The following KDM5B variants were observed in gnomAD, a reference collection of about 807,000 sequenced individuals.
KDM5B encodes lysine demethylase 5B.
In KDM5B, 144 loss-of-function variants were observed where a neutral mutation model predicts 193.4. The ratio of observed to expected loss-of-function variants is 0.74; its 90% CI spans 0.65 to 0.86. KDM5B has a LOEUF of 0.86. Ranked by LOEUF, KDM5B falls within the 40% of genes least tolerant of loss-of-function variation. The pLI, the probability that KDM5B is intolerant of heterozygous loss-of-function variation, is 0.00. For missense variants in KDM5B, 1,833 were observed against 1,886.9 expected (o/e 0.97, Z 0.53); for synonymous variants, 668 against 682.6 (o/e 0.98, Z 0.33).
At chr1:202,804,828 C>A (rs1334915943) in intron 1 of KDM5B, among the ~76,000 whole-genome samples, 2 of 145,758 alleles carry the variant, frequency 1.4e-5, no homozygotes, top group East Asian at 4.0e-4. Context: ...TGAGCCACTG[C>A]ACTCCAGGCC....
intron 16 of KDM5B, 152 bp downstream of exon 16, chr1:202,745,706 T>C: frequency 1.2e-6 from 1 of 803,878 alleles, no homozygotes; most frequent in Non-Finnish European, 2.0e-6. Flanking sequence ...TTTAAAACCT[T>C]CTCTGCCGGT....
intron 1 of KDM5B, among the ~76,000 whole-genome samples, chr1:202,778,763 C>G (rs1226535032): frequency 6.6e-6 from 1 of 152,128 alleles, no homozygotes; most frequent in Non-Finnish European, 1.5e-5. Context: ...GCTGGGATTA[C>G]AGGCATGTGC....
intron 22 of KDM5B, among the ~76,000 whole-genome samples, chr1:202,735,150 T>C (rs1655045562): frequency 6.6e-6 from 1 of 152,172 alleles, no homozygotes; most frequent in Non-Finnish European, 1.5e-5. Flanking sequence ...TCTCAATATC[T>C]TTAGTTAGCA....
At chr1:202,763,878 T>G (rs1319443048) in intron 6 of KDM5B, among the ~76,000 whole-genome samples, 171 bp downstream of exon 6, 1 of 152,232 alleles carries the variant, frequency 6.6e-6, no homozygotes, top group Non-Finnish European at 1.5e-5. Flanking sequence ...AAGGACACTG[T>G]TGATATATTA....
At chr1:202,802,791 C>T (rs916041025) in intron 1 of KDM5B, among the ~76,000 whole-genome samples, 10 of 152,264 alleles carry the variant, frequency 6.6e-5, no homozygotes, top group Admixed American at 2.6e-4. Context: ...ATCTATCAAC[C>T]TGAAATACTC....
intron 1 of KDM5B, among the ~76,000 whole-genome samples, chr1:202,786,313 C>A (rs1657411420): frequency 6.6e-6 from 1 of 151,948 alleles, no homozygotes; most frequent in Non-Finnish European, 1.5e-5. Flanking sequence ...CCCAATCCAA[C>A]CTTGCTTTTT....
chr1:202,760,459 C>CA lies in KDM5B; in HGVS notation c.1032dup (p.Asp345Ter). ...CACCTCCAGTCTCCCTTGGGAACATCATGGAGAGGTGGGATCAAGCAAAAG... is the reference window on the plus strand; with the variant it reads ...CACCTCCAGTCTCCCTTGGGAACATCAATGGAGAGGTGGGATCAAGCAAAAG... On this transcript the variant is annotated frameshift_variant, in exon 8 of 27. Transcript: ENST00000367265. LOFTEE classifies it high-confidence loss of function. The CA allele has an allele frequency of 6.2e-7, 1 of 1,613,620 alleles. No individual in the cohort carries two copies. The highest frequency in any genetic ancestry group is 8.5e-7 in the Non-Finnish European group (1 of 1,179,708).
At chr1:202,794,010 A>G (rs1210146471) in intron 1 of KDM5B, among the ~76,000 whole-genome samples, 1 of 152,228 alleles carries the variant, frequency 6.6e-6, no homozygotes, top group Non-Finnish European at 1.5e-5. Flanking sequence ...ATATTGGATG[A>G]AAGCCTCTCT....
intron 16 of KDM5B, among the ~76,000 whole-genome samples, 191 bp from the exon 17 acceptor site, chr1:202,742,996 TA>T (rs1485131006): frequency 6.6e-6 from 1 of 152,198 alleles, no homozygotes; most frequent in Admixed American, 6.5e-5. Context: ...CGGAGTTTTT[TA>T]AACAAGTGCC....
chr1:202,779,314 T>C (rs932352401), intron 1 of KDM5B, among the ~76,000 whole-genome samples: 13 of 151,748 alleles, frequency 8.6e-5, no homozygotes, highest in South Asian at 2.1e-4. Flanking sequence ...AAGACCATCC[T>C]GGCTAACACA....
intron 7 of KDM5B, among the ~76,000 whole-genome samples, chr1:202,761,146 A>C (rs534666358): frequency 1.8e-4 from 28 of 152,314 alleles, no homozygotes; most frequent in Non-Finnish European, 3.2e-4. Flanking sequence ...AACCACATTA[A>C]ACTACCAATT....
chr1:202,729,488 A>G (rs1654794299), intron 26 of KDM5B: 6 of 597,214 alleles, frequency 1.0e-5, no homozygotes, highest in Non-Finnish European at 1.8e-5. Context: ...GAAGAGCAAG[A>G]AAAGGAAAAA....
At chr1:202,787,423 A>AT (rs1657455328) in intron 1 of KDM5B, among the ~76,000 whole-genome samples, 1 of 152,186 alleles carries the variant, frequency 6.6e-6, no homozygotes, top group South Asian at 2.1e-4. Context: ...GTATCTATAG[A>AT]TTTTTTATCA....
intron 1 of KDM5B, among the ~76,000 whole-genome samples, chr1:202,783,481 G>C (rs570437095): frequency 6.6e-6 from 1 of 151,926 alleles, no homozygotes; most frequent in Non-Finnish European, 1.5e-5. Context: ...CTGCAGCCTG[G>C]GCGACAGAGC....
intron 1 of KDM5B, chr1:202,796,051 G>A: frequency 4.9e-6 from 1 of 202,466 alleles, no homozygotes; most frequent in Non-Finnish European, 9.9e-6. Context: ...GACTCTGGGG[G>A]CATTAGCTCC....
At chr1:202,799,997 C>T (rs1232906008) in intron 1 of KDM5B, among the ~76,000 whole-genome samples, 1 of 152,172 alleles carries the variant, frequency 6.6e-6, no homozygotes, top group Non-Finnish European at 1.5e-5. Context: ...TCATCAGACT[C>T]TTCAAATTCT....
At chr1:202,740,034 C>A (rs1655247781) in intron 20 of KDM5B, among the ~76,000 whole-genome samples, 1 of 152,206 alleles carries the variant, frequency 6.6e-6, no homozygotes, top group African/African-American at 2.4e-5. Flanking sequence ...GAGCTCCTCA[C>A]ATCCCAGTAG....
intron 23 of KDM5B, 85 bp downstream of exon 23, chr1:202,733,316 A>T: frequency 6.7e-7 from 1 of 1,482,132 alleles, no homozygotes; most frequent in Non-Finnish European, 9.2e-7. Flanking sequence ...CACCAAGGGA[A>T]TAGCAACACC....
At chr1:202,781,186 C>G (rs918399531) in intron 1 of KDM5B, among the ~76,000 whole-genome samples, 8 of 152,098 alleles carry the variant, frequency 5.3e-5, no homozygotes, top group Non-Finnish European at 1.2e-4. Context: ...GTAGTCCTAC[C>G]TACTCAGGAG....
Sources: gnomAD v4.1 joint callset for allele counts (sites outside exome capture counted in the v4.1 genomes callset) on GRCh38, gnomAD v4.1.1 for gene constraint, MANE v1.5 for transcripts, NCBI Gene and HGNC (gene_info 2026-07-23, HGNC 2026-07-21) for gene names.